Variants in CDH12 observed in about 807,000 individuals in gnomAD.
CDH12 encodes cadherin 12.
In CDH12, 41 loss-of-function variants were observed where a neutral mutation model predicts 74.1. The observed-to-expected ratio is 0.55, with a 90% CI of 0.43 to 0.72. CDH12 has a LOEUF of 0.72. Among genes scored for constraint, CDH12 ranks in the 30% least tolerant of loss-of-function variants. CDH12 has a pLI of 0.00. For synonymous variants in CDH12, 399 were observed against 355.0 expected (o/e 1.12, Z -1.39); for missense variants, 945 against 977.2 (o/e 0.97, Z 0.44).
chr5:22,690,997 A>G (rs370432200), intron 1 of CDH12, among the ~76,000 whole-genome samples: 2 of 152,100 alleles, frequency 1.3e-5, no homozygotes, highest in East Asian at 1.9e-4. Flanking sequence ...AATGAGTTTT[A>G]TTTCCTTTTA....
chr5:22,798,188 G>C lies in CDH12; in HGVS notation c.-523+54870C>G, dbSNP rs542375303. 1.1e-4 allele frequency among the ~76,000 whole-genome samples: 16 copies of C among 152,118 alleles called. No homozygotes were observed. In the South Asian group the frequency reaches 3.1e-3, roughly 30 times the overall value. ...GTACTATCTAGTTCTGACTTCTTCA[G>C]GTAATTCAAACTTCTCAATCTACCA... On this transcript the variant is annotated intron_variant, in intron 1 of 14. Coordinates refer to ENST00000382254, the MANE Select transcript of CDH12 (RefSeq NM_004061.5).
rs537335680 is a variant in CDH12 at position 21,948,021 on chromosome 5, GA to G, written c.526+27069del. 2.2e-4 allele frequency among the ~76,000 whole-genome samples: 34 copies of G among 152,318 alleles called. No homozygotes were observed. The East Asian group carries it at 6.4e-3, about 29-fold the overall frequency. The stretch of plus-strand genomic sequence containing the variant: ...GGGCCTGAGGGTACACAGAAGTCAA[GA>G]ATTCAGGTGTGGAAACCTCTGCCTA... On this transcript the variant is annotated intron_variant, in intron 6 of 14. Transcript: ENST00000382254.
chr5:21,951,379 C>G (rs2150101055), intron 6 of CDH12, among the ~76,000 whole-genome samples: 1 of 152,262 alleles, frequency 6.6e-6, no homozygotes, highest in Non-Finnish European at 1.5e-5. Flanking sequence ...CGTGCCACCA[C>G]ATACGGCTAA....
intron 10 of CDH12, among the ~76,000 whole-genome samples, chr5:21,801,258 G>C (rs1747097006): frequency 6.6e-6 from 1 of 152,158 alleles, no homozygotes; most frequent in African/African-American, 2.4e-5. Context: ...CAAGATATCT[G>C]TCTGTTGTAT....
At chr5:22,570,248 C>T (rs564387471) in intron 1 of CDH12, among the ~76,000 whole-genome samples, 32 of 151,742 alleles carry the variant, frequency 2.1e-4, no homozygotes, top group Non-Finnish European at 4.0e-4. Flanking sequence ...TAGGTTTCAC[C>T]GTGTTGGTAA....
At chr5:22,525,396 C>T (rs1308319000) in intron 1 of CDH12, among the ~76,000 whole-genome samples, 1 of 151,950 alleles carries the variant, frequency 6.6e-6, no homozygotes, top group East Asian at 1.9e-4. Context: ...AAACCATCTA[C>T]ATCAGGAAGC....
chr5:22,334,363 GA>G (rs1193998295), intron 3 of CDH12, among the ~76,000 whole-genome samples: 403 of 145,644 alleles, frequency 2.8e-3, no homozygotes, highest in East Asian at 0.011. Flanking sequence ...GAAGAGAATA[GA>G]AAAAAAAAAT....
chr5:21,792,595 G>C (rs2149909525), intron 10 of CDH12, among the ~76,000 whole-genome samples: 2 of 115,304 alleles, frequency 1.7e-5, no homozygotes, highest in Middle Eastern at 6.5e-3. Flanking sequence ...GCTTTCCTCT[G>C]CCCTTTTTTT....
chr5:22,796,461 C>T (rs953592040), intron 1 of CDH12, among the ~76,000 whole-genome samples: 1 of 151,130 alleles, frequency 6.6e-6, no homozygotes, highest in Non-Finnish European at 1.5e-5. Context: ...TTTCATATTC[C>T]TGTTGGCCAT....
At chr5:22,438,404 A>G (rs1744493034) in intron 2 of CDH12, among the ~76,000 whole-genome samples, 1 of 152,046 alleles carries the variant, frequency 6.6e-6, no homozygotes, top group Non-Finnish European at 1.5e-5. Context: ...GTGAATGAAG[A>G]TATTGAAGCT....
chr5:21,932,574 G>A (rs1372760334), intron 6 of CDH12, among the ~76,000 whole-genome samples: 1 of 151,820 alleles, frequency 6.6e-6, no homozygotes, highest in African/African-American at 2.4e-5. Flanking sequence ...AATTATAATT[G>A]CACATCATTC....
intron 4 of CDH12, among the ~76,000 whole-genome samples, chr5:22,092,620 A>C (rs1205450276): frequency 6.6e-6 from 1 of 152,150 alleles, no homozygotes; most frequent in Non-Finnish European, 1.5e-5. Context: ...GATGTGAAAA[A>C]TCAGCACCCG....
intron 4 of CDH12, among the ~76,000 whole-genome samples, chr5:22,175,981 T>C (rs1043227845): frequency 2.6e-5 from 4 of 151,674 alleles, no homozygotes; most frequent in African/African-American, 9.7e-5. Context: ...TAGATCATTA[T>C]AGGGCTGGTA....
At chr5:22,185,287 C>A (rs1749876624) in intron 4 of CDH12, among the ~76,000 whole-genome samples, 1 of 151,438 alleles carries the variant, frequency 6.6e-6, no homozygotes, top group Non-Finnish European at 1.5e-5. Flanking sequence ...CAATCTCTGC[C>A]TCCCAGGTTC....
chr5:22,791,275 A>C (rs1747891628), intron 1 of CDH12, among the ~76,000 whole-genome samples: 1 of 152,192 alleles, frequency 6.6e-6, no homozygotes, highest in African/African-American at 2.4e-5. Flanking sequence ...TAGTGCCAGA[A>C]GAAAAATAGA....
At chr5:22,764,297 A>G (rs764471174) in intron 1 of CDH12, among the ~76,000 whole-genome samples, 1 of 151,950 alleles carries the variant, frequency 6.6e-6, no homozygotes, top group African/African-American at 2.4e-5. Context: ...TATTTCTCAC[A>G]TAAAACCATT....
intron 4 of CDH12, among the ~76,000 whole-genome samples, chr5:22,205,778 T>A (rs1453077482): frequency 6.6e-6 from 1 of 152,050 alleles, no homozygotes; most frequent in Non-Finnish European, 1.5e-5. Flanking sequence ...TATGGAGTTA[T>A]CTTGGGCAAT....
chr5:21,882,747 G>C (rs370542904), intron 6 of CDH12: 2 of 1,603,898 alleles, frequency 1.2e-6, no homozygotes, highest in Non-Finnish European at 1.7e-6. Flanking sequence ...TGCTGTGGCC[G>C]TTACAATGGA....
chr5:22,287,926 A>AT (rs1737227589), intron 3 of CDH12, among the ~76,000 whole-genome samples: 1 of 152,132 alleles, frequency 6.6e-6, no homozygotes, highest in African/African-American at 2.4e-5. Context: ...AGATATGGCT[A>AT]TTCCGTATGT....
Sources: gnomAD v4.1 joint callset for allele counts (sites outside exome capture counted in the v4.1 genomes callset) on GRCh38, gnomAD v4.1.1 for gene constraint, MANE v1.5 for transcripts, NCBI Gene and HGNC (gene_info 2026-07-23, HGNC 2026-07-21) for gene names.